NUP62CL: variants seen among roughly 807,000 people sequenced by gnomAD.
NUP62CL encodes the protein nucleoporin 62 C-terminal like.
A neutral mutation model predicts 15.3 loss-of-function variants in NUP62CL; 13 were observed. The observed-to-expected ratio is 0.85, with a 90% CI of 0.55 to 1.35. The LOEUF is 1.35. Among genes scored for constraint, NUP62CL ranks in the 40% most tolerant of loss-of-function variants. NUP62CL has a pLI of 0.00. For synonymous variants in NUP62CL, 54 were observed against 49.2 expected, an observed-to-expected ratio of 1.10 and a Z score of -0.41; for missense variants, 123 against 130.6, an observed-to-expected ratio of 0.94 and a Z score of 0.28.
chrX:107,153,022 A>T, intron 7 of NUP62CL, 150 bp downstream of exon 7: 1 of 462,691 alleles, frequency 2.2e-6, no homozygotes, highest in East Asian at 4.0e-5. Context: ...AAACAATCAA[A>T]CAAATTGATA....
chrX:107,138,434 T>C (rs931361197), intron 8 of NUP62CL, among the ~76,000 whole-genome samples: 2 of 112,053 alleles, frequency 1.8e-5, no homozygotes, highest in Non-Finnish European at 3.8e-5. Flanking sequence ...GACTTGCATC[T>C]AGAACACATG....
rs773741584 is a variant in NUP62CL, at chrX:107,188,802, A to AT, written c.-48+4226dup. ...AAGATAGACATACAAAATCAACTGTATTTCTATATACTAGTGATGAAAAGC... is the reference window on the plus strand; with the variant it reads ...AAGATAGACATACAAAATCAACTGTATTTTCTATATACTAGTGATGAAAAGC... On this transcript the variant is annotated intron_variant, in intron 2 of 8. Transcript: ENST00000372466. Among the ~76,000 whole-genome samples, 669 of 112,077 alleles carry AT rather than the reference A, an allele frequency of 6.0e-3. 5 individuals carry two copies. Among genetic ancestry groups the AT allele is most frequent in the Non-Finnish European group, 9.3e-3 (497 of 53,209 alleles).
intron 4 of NUP62CL, among the ~76,000 whole-genome samples, chrX:107,164,002 C>T (rs1195026321): frequency 1.8e-5 from 2 of 111,985 alleles, no homozygotes; most frequent in African/African-American, 6.5e-5. Flanking sequence ...AGTGAAGCAA[C>T]AGAATTTAAT....
At chrX:107,161,894 C>T (rs1926393928) in intron 4 of NUP62CL, among the ~76,000 whole-genome samples, 1 of 97,477 alleles carries the variant, frequency 1.0e-5, no homozygotes, top group East Asian at 3.4e-4. Flanking sequence ...GAAAAGGCAA[C>T]AGATGCCAAC....
At chrX:107,126,948 C>T (rs1036684864) in intron 8 of NUP62CL, among the ~76,000 whole-genome samples, 5 of 110,141 alleles carry the variant, frequency 4.5e-5, no homozygotes, top group African/African-American at 1.7e-4. Context: ...GCAGGAGAAT[C>T]GCTTGAACCC....
chrX:107,180,913 C>CTTTT (rs35001668), intron 2 of NUP62CL, among the ~76,000 whole-genome samples: 3 of 85,128 alleles, frequency 3.5e-5, no homozygotes, highest in Non-Finnish European at 4.6e-5. Context: ...TATGGTTTCG[C>CTTTT]TTTTTTTTTT....
intron 3 of NUP62CL, among the ~76,000 whole-genome samples, chrX:107,171,650 T>C (rs768172229): frequency 3.6e-5 from 4 of 111,527 alleles, no homozygotes; most frequent in Admixed American, 9.5e-5. Flanking sequence ...TCACCAGGTC[T>C]CTCCCACAAC....
intron 8 of NUP62CL, chrX:107,131,788 C>T: frequency 8.9e-7 from 1 of 1,123,752 alleles, no homozygotes; most frequent in Non-Finnish European, 1.2e-6. Context: ...CACTGAGAGG[C>T]CCATTCTGCA....
intron 4 of NUP62CL, among the ~76,000 whole-genome samples, chrX:107,157,155 G>A (rs1381330128): frequency 9.1e-6 from 1 of 110,389 alleles, no homozygotes; most frequent in Non-Finnish European, 1.9e-5. Flanking sequence ...CGTCTGATTG[G>A]TGTACCTGAA....
At chrX:107,173,093 G>A (rs773855946) in intron 3 of NUP62CL, among the ~76,000 whole-genome samples, 7 of 112,037 alleles carry the variant, frequency 6.2e-5, no homozygotes, top group Non-Finnish European at 1.3e-4. Context: ...TGTTCTAGCC[G>A]AAGTTGTTGG....
intron 4 of NUP62CL, among the ~76,000 whole-genome samples, chrX:107,161,739 A>G (rs1271335293): frequency 2.0e-5 from 2 of 99,198 alleles, no homozygotes; most frequent in Non-Finnish European, 4.0e-5. Flanking sequence ...ACTAACCTGC[A>G]CAATGTGCAC....
At position 107,190,245 on chromosome X, in the gene NUP62CL, C is replaced by T. The variant is rs538336953; in HGVS notation, c.-48+2784G>A. On this transcript the variant is annotated intron_variant, in intron 2 of 8. Transcript: ENST00000372466. ...ATCATGCCATATAACTGACTTATTG[C>T]ATCATATAATATTCTCTAAAATGTC... Among the ~76,000 whole-genome samples the T allele has an allele frequency of 1.4e-4, 16 of 112,078 alleles. No homozygotes were observed. The South Asian group carries it at 6.0e-3, about 42-fold the overall frequency.
At chrX:107,161,810 TA>T (rs1272624824) in intron 4 of NUP62CL, among the ~76,000 whole-genome samples, 34 of 81,567 alleles carry the variant, frequency 4.2e-4, no homozygotes, top group African/African-American at 1.8e-3. Context: ...GTAATAATAA[TA>T]AAAAAAATTT....
At chrX:107,171,678 G>C (rs910669137) in intron 3 of NUP62CL, among the ~76,000 whole-genome samples, 2 of 111,336 alleles carry the variant, frequency 1.8e-5, no homozygotes, top group African/African-American at 3.3e-5. Flanking sequence ...AATTATGGGA[G>C]GTACAATTCA....
At chrX:107,152,051 T>TATATATATATATATATATATATTCAG (rs1926028675) in intron 7 of NUP62CL, among the ~76,000 whole-genome samples, 8 of 55,593 alleles carry the variant, frequency 1.4e-4, no homozygotes, top group African/African-American at 9.3e-4. Flanking sequence ...TATATTCAGA[T>TATATATATATATATATATATATTCAG]ATATATATAT....
chrX:107,126,526 G>T (rs1259229022), intron 8 of NUP62CL, among the ~76,000 whole-genome samples: 1 of 112,085 alleles, frequency 8.9e-6, no homozygotes, highest in Non-Finnish European at 1.9e-5. Flanking sequence ...AATAGCCATA[G>T]AGATCAATGA....
At chrX:107,161,933 C>A (rs1926395118) in intron 4 of NUP62CL, among the ~76,000 whole-genome samples, 1 of 104,823 alleles carries the variant, frequency 9.5e-6, no homozygotes, top group African/African-American at 3.5e-5. Context: ...TTGGAATTAT[C>A]TGAAAATAAT....
rs889366293 is a variant in NUP62CL at position 107,193,080 on chromosome X, A to T, written c.-91-8T>A. 1 of 112,175 alleles carries T rather than the reference A, an allele frequency of 8.9e-6. No individual in the cohort carries two copies. Among genetic ancestry groups the T allele is most frequent in the South Asian group, 3.7e-4 (1 of 2,708 alleles). The allele number at this position is 112,175 out of a possible 1,213,427, so 9.2% of individuals were successfully genotyped here. A position where few individuals can be genotyped will look rare whatever the true frequency, so the allele number is the denominator to read the frequency against. On this transcript the variant is annotated splice_polypyrimidine_tract_variant and splice_region_variant and intron_variant, in intron 1 of 8. Transcript: ENST00000372466. ...TGCTGATGACTCCAAACCCTAAAAA[A>T]GGATAAGAGAAGAATGGGAAAAAAA...
At position 107,154,138 on chromosome X, in the gene NUP62CL, C is replaced by G; in HGVS notation, c.303G>C (p.Gln101His). The change falls in exon 5 of 9, where the codon CAG (glutamine) becomes CAC (histidine). Residue 101 changes from glutamine (Q) to histidine (H), a missense_variant. Coordinates refer to ENST00000372466, the MANE Select transcript of NUP62CL (RefSeq NM_017681.3). ...QEKYFLLQAT[Q>H]VNAWDHTLIE... The stretch of plus-strand genomic sequence containing the variant: ...TCAATGTATGGTCCCAAGCATTGAC[C>G]TGAGTGGCCTGGAGAAGAAAGTACT... The G allele has an allele frequency of 8.3e-7, 1 of 1,208,009 alleles. No homozygotes were observed. The highest frequency in any genetic ancestry group is 1.1e-6 in the Non-Finnish European group (1 of 892,916).
Sources: gnomAD v4.1 joint callset for allele counts (sites outside exome capture counted in the v4.1 genomes callset) on GRCh38, gnomAD v4.1.1 for gene constraint, MANE v1.5 for transcripts, NCBI Gene and HGNC (gene_info 2026-07-23, HGNC 2026-07-21) for gene names.